The following MALRD1 variants were observed in gnomAD, a reference collection of about 807,000 sequenced individuals.
MALRD1 encodes MAM and LDL receptor class A domain containing 1, also known as MAM and LDL-receptor class A domain-containing protein 1.
MALRD1 carries 247 observed loss-of-function variants against 242.1 expected under a neutral mutation model. The ratio of observed to expected loss-of-function variants is 1.02; its 90% CI spans 0.92 to 1.13. The LOEUF (loss-of-function observed/expected upper bound fraction) is 1.13, where lower values mean the gene tolerates loss of function less well. MALRD1 is among the 50% of genes most tolerant of loss of function. MALRD1 has a pLI of 0.00. For missense variants in MALRD1, 2,989 were observed against 2,533.1 expected (o/e 1.18, Z -3.86); for synonymous variants, 995 against 866.6 (o/e 1.15, Z -2.60).
intron 5 of MALRD1, among the ~76,000 whole-genome samples, chr10:19,112,869 C>T (rs894589002): frequency 5.3e-5 from 8 of 152,116 alleles, no homozygotes; most frequent in African/African-American, 9.7e-5. Context: ...AATCTGTTCC[C>T]TCTCATTCAT....
intron 28 of MALRD1, among the ~76,000 whole-genome samples, chr10:19,436,824 G>A (rs1359701159): frequency 2.0e-5 from 3 of 152,218 alleles, no homozygotes; most frequent in South Asian, 2.1e-4. Flanking sequence ...AGTTGTATGA[G>A]TTTTGACAAA....
chr10:19,128,178 C>T (rs35847051), intron 7 of MALRD1, 43 bp from the exon 8 acceptor site: 27 of 1,204,342 alleles, frequency 2.2e-5, no homozygotes, highest in East Asian at 3.2e-5. Context: ...CAGAAAGAAG[C>T]TAATGTTTTC....
In MALRD1 at chr10:19,720,822, A is replaced by C. The variant is rs901780343; in HGVS notation, c.6315-9884A>C. Among the ~76,000 whole-genome samples, 3 of 152,206 alleles carry C rather than the reference A, an allele frequency of 2.0e-5. No individual in the cohort carries two copies. In the South Asian group the frequency reaches 6.2e-4, roughly 31 times the overall value. ...AACAGTCTGTTCAAACAGGCTAAAA[A>C]ATGGACGGTAAATGATCAGAGACCA... On this transcript the variant is annotated intron_variant, in intron 38 of 39. Transcript: ENST00000454679.
chr10:19,513,300 C>T lies in MALRD1; in HGVS notation c.5320+14654C>T, dbSNP rs568185448. ...CACTCTCTTGCTTCCTTTCTCACTA[C>T]GTGATCTAACAGGTTCCCTTTTTCC... On this transcript the variant is annotated intron_variant, in intron 31 of 39. Transcript: ENST00000454679. 1.4e-4 allele frequency among the ~76,000 whole-genome samples: 22 copies of T among 152,182 alleles called. No individual in the cohort carries two copies. The South Asian group carries it at 3.5e-3, about 24-fold the overall frequency.
At chr10:19,343,513 T>C (rs940474278) in intron 24 of MALRD1, among the ~76,000 whole-genome samples, 1 of 152,252 alleles carries the variant, frequency 6.6e-6, no homozygotes, top group African/African-American at 2.4e-5. Flanking sequence ...CCATCATCCC[T>C]AACCTCAGGA....
chr10:19,058,099 A>T (rs775722755), intron 1 of MALRD1, among the ~76,000 whole-genome samples: 11 of 152,204 alleles, frequency 7.2e-5, no homozygotes, highest in Non-Finnish European at 1.2e-4. Context: ...ACCAAACACA[A>T]ACATTGTAGG....
intron 2 of MALRD1, among the ~76,000 whole-genome samples, chr10:19,080,189 C>T (rs1296605642): frequency 1.3e-5 from 2 of 151,974 alleles, no homozygotes; most frequent in African/African-American, 4.8e-5. Flanking sequence ...AATGGCCATA[C>T]TGACCAAAGT....
chr10:19,140,543 ATGTGTGTGTGTG>A (rs34024633), intron 10 of MALRD1, among the ~76,000 whole-genome samples: 6 of 146,990 alleles, frequency 4.1e-5, no homozygotes, highest in African/African-American at 1.3e-4. Context: ...GTGTGTGTGT[ATGTGTGTGTGTG>A]TGTGTGTGTG....
At chr10:19,640,297 C>T (rs1840324001) in intron 36 of MALRD1, among the ~76,000 whole-genome samples, 1 of 152,018 alleles carries the variant, frequency 6.6e-6, no homozygotes, top group South Asian at 2.1e-4. Flanking sequence ...CCATTTTGGC[C>T]AGGCTGGTCT....
At chr10:19,177,755 C>A (rs1239691842) in intron 14 of MALRD1, among the ~76,000 whole-genome samples, 1 of 152,032 alleles carries the variant, frequency 6.6e-6, no homozygotes, top group Non-Finnish European at 1.5e-5. Context: ...TGTGATCGGA[C>A]AAAAGGGTAT....
chr10:19,085,187 T>C (rs1835627251), intron 2 of MALRD1, among the ~76,000 whole-genome samples: 1 of 151,936 alleles, frequency 6.6e-6, no homozygotes, highest in African/African-American at 2.4e-5. Flanking sequence ...AAGGGGAGTG[T>C]TAAATGAGGG....
Position 19,366,245 on chromosome 10 carries a change from A to G in MALRD1, c.4441+13948A>G, listed in dbSNP as rs1199421230. On this transcript the variant is annotated intron_variant, in intron 26 of 39. Transcript: ENST00000454679. The stretch of plus-strand genomic sequence containing the variant: ...AACTAGATGGTCCCATCCGGGGGTG[A>G]TGGGAGGCAGTGACAGATCATCAGG... 2.0e-5 allele frequency among the ~76,000 whole-genome samples: 3 copies of G among 151,670 alleles called. No homozygotes were observed. The East Asian group carries it at 5.8e-4, about 29-fold the overall frequency.
At chr10:19,112,582 C>G (rs1017022539) in intron 5 of MALRD1, among the ~76,000 whole-genome samples, 4 of 152,064 alleles carry the variant, frequency 2.6e-5, no homozygotes, top group Non-Finnish European at 5.9e-5. Context: ...CACTTTATGG[C>G]TATAAGATGA....
intron 34 of MALRD1, chr10:19,598,539 G>A (rs1838214777): frequency 6.6e-6 from 1 of 151,802 alleles, no homozygotes; most frequent in Non-Finnish European, 1.5e-5. Context: ...ATGTGCCATT[G>A]CTTGAGCTAG....
At chr10:19,428,444 T>C (rs776158150) in intron 28 of MALRD1, among the ~76,000 whole-genome samples, 2 of 152,146 alleles carry the variant, frequency 1.3e-5, no homozygotes, top group Admixed American at 6.6e-5. Context: ...ATTTCTCAAA[T>C]GACTTTTCTA....
At chr10:19,603,176 G>T (rs553168453) in intron 34 of MALRD1, among the ~76,000 whole-genome samples, 199 of 152,208 alleles carry the variant, frequency 1.3e-3, no homozygotes, top group African/African-American at 4.5e-3. Flanking sequence ...TTCTTTTGCT[G>T]TGCAGAAGCT....
At chr10:19,342,376 G>A (rs1366747970) in intron 24 of MALRD1, among the ~76,000 whole-genome samples, 4 of 151,998 alleles carry the variant, frequency 2.6e-5, no homozygotes, top group Non-Finnish European at 5.9e-5. Context: ...CTTTTCATTT[G>A]TTTATTTGGT....
chr10:19,526,365 A>ATACATATAT (rs10695324), intron 31 of MALRD1, among the ~76,000 whole-genome samples: 1,507 of 148,930 alleles, frequency 0.01, 21 homozygotes, highest in South Asian at 0.03. Context: ...CCAAAAAAAA[A>ATACATATAT]ATACATATAT....
intron 28 of MALRD1, among the ~76,000 whole-genome samples, chr10:19,403,227 G>A (rs745922860): frequency 3.4e-4 from 51 of 152,084 alleles, no homozygotes; most frequent in Non-Finnish European, 5.6e-4. Context: ...TGAATATTAT[G>A]CCTCCATGAA....
Sources: allele counts gnomAD v4.1 joint callset (sites outside exome capture counted in the v4.1 genomes callset), GRCh38; gene constraint gnomAD v4.1.1; transcripts MANE v1.5; gene names NCBI Gene and HGNC (gene_info 2026-07-23, HGNC 2026-07-21).